MYO16: variants seen among roughly 807,000 people sequenced by gnomAD.
The protein encoded by MYO16 is unconventional myosin-XVI.
A neutral mutation model predicts 205.3 loss-of-function variants in MYO16; 94 were observed. The ratio of observed to expected loss-of-function variants is 0.46; its 90% CI spans 0.39 to 0.54. MYO16 has a LOEUF of 0.54. Ranked by LOEUF, MYO16 falls within the 20% of genes least tolerant of loss-of-function variation. MYO16 has a pLI of 0.00. For synonymous variants in MYO16, 988 were observed against 954.0 expected, an observed-to-expected ratio of 1.04 and a Z score of -0.66; for missense variants, 2,315 against 2,387.5, an observed-to-expected ratio of 0.97 and a Z score of 0.63.
intron 29 of MYO16, among the ~76,000 whole-genome samples, chr13:109,123,540 G>A (rs9587778): frequency 3.0e-4 from 45 of 151,894 alleles, no homozygotes; most frequent in African/African-American, 8.9e-4. Flanking sequence ...TGGTTCATAC[G>A]TCTCCACTTT....
intron 34 of MYO16, among the ~76,000 whole-genome samples, chr13:109,194,093 TGTGTC>T (rs1479593945): frequency 6.6e-6 from 1 of 152,170 alleles, no homozygotes; most frequent in African/African-American, 2.4e-5. Flanking sequence ...TTTTTGTACT[TGTGTC>T]TTGTCTAAGC....
chr13:108,753,695 G>T (rs1471897311), intron 4 of MYO16, among the ~76,000 whole-genome samples: 1 of 152,114 alleles, frequency 6.6e-6, no homozygotes, highest in African/African-American at 2.4e-5. Flanking sequence ...GGCGCTCCTG[G>T]AGGTGCTCTT....
At chr13:108,760,516 G>C in intron 4 of MYO16, among the ~76,000 whole-genome samples, 1 of 150,666 alleles carries the variant, frequency 6.6e-6, no homozygotes, top group East Asian at 1.9e-4. Context: ...TCATTTACTT[G>C]CTGGGGCAGT....
intron 16 of MYO16, among the ~76,000 whole-genome samples, chr13:108,925,423 A>AT (rs1260482812): frequency 2.6e-5 from 4 of 152,202 alleles, no homozygotes; most frequent in Middle Eastern, 3.2e-3. Context: ...ATGGTCTTAA[A>AT]TTATTGACGG....
chr13:108,605,489 A>T (rs1878920827), intron 1 of MYO16, among the ~76,000 whole-genome samples: 1 of 152,182 alleles, frequency 6.6e-6, no homozygotes, highest in South Asian at 2.1e-4. Context: ...TGATTGGATC[A>T]TGAGGGCGGT....
intron 1 of MYO16, among the ~76,000 whole-genome samples, chr13:108,636,367 TTTTGTGTG>T (rs1880246664): frequency 1.0e-4 from 6 of 58,454 alleles, no homozygotes. Flanking sequence ...TTTTTTTTTT[TTTTGTGTG>T]TGTGTGTGTG....
At chr13:108,631,852 C>A (rs576595446) in intron 1 of MYO16, among the ~76,000 whole-genome samples, 2 of 152,032 alleles carry the variant, frequency 1.3e-5, no homozygotes, top group East Asian at 3.9e-4. Context: ...CCAAAGCAGG[C>A]GGATCACCTG....
chr13:108,938,198 T>A, intron 16 of MYO16, among the ~76,000 whole-genome samples: 1 of 151,948 alleles, frequency 6.6e-6, no homozygotes, highest in South Asian at 2.1e-4. Context: ...ACCTATGTAC[T>A]TTTTTTTGGC....
rs139225931 is a variant in MYO16, at chr13:108,893,801, G to C, written c.1660-4215G>C. On this transcript the variant is annotated intron_variant, in intron 14 of 34. Coordinates refer to ENST00000457511, the MANE Select transcript of MYO16 (RefSeq NM_001198950.3). ...ACACAAACTGTACATTCCACTGAGA[G>C]AGCCTGGTTCATTCTAAAGGAGACA... is the stretch of plus-strand genomic sequence containing the variant. 1.5e-3 allele frequency among the ~76,000 whole-genome samples: 226 copies of C among 152,250 alleles called. 1 individual carries two copies. Among genetic ancestry groups the C allele is most frequent in the African/African-American group, 5.3e-3 (220 of 41,560 alleles).
At chr13:108,556,797 T>A in the MYO16 span, among the ~76,000 whole-genome samples, 5 of 152,196 alleles carry the variant, frequency 3.3e-5, no homozygotes, top group East Asian at 1.9e-4. Context: ...CATTTTGAGT[T>A]TTTTTCTTTT....
chr13:108,757,893 A>T (rs1885475046), intron 4 of MYO16, among the ~76,000 whole-genome samples: 1 of 152,212 alleles, frequency 6.6e-6, no homozygotes, highest in African/African-American at 2.4e-5. Context: ...TATGTATGCG[A>T]CACAATGCCT....
chr13:108,587,276 G>A, the MYO16 span, among the ~76,000 whole-genome samples: 1 of 152,120 alleles, frequency 6.6e-6, no homozygotes, highest in Non-Finnish European at 1.5e-5. Context: ...GTGATTTGGT[G>A]GGTTTCAGCT....
chr13:108,602,634 A>G (rs1437565976), intron 1 of MYO16, among the ~76,000 whole-genome samples: 1 of 152,164 alleles, frequency 6.6e-6, no homozygotes, highest in Non-Finnish European at 1.5e-5. Flanking sequence ...TGAGAAATCA[A>G]TCTGTCTTGA....
At chr13:109,054,092 A>T (rs533664038) in intron 25 of MYO16, among the ~76,000 whole-genome samples, 1 of 152,132 alleles carries the variant, frequency 6.6e-6, no homozygotes, top group East Asian at 1.9e-4. Context: ...ATGTAATAGT[A>T]GGTTAGTGGC....
chr13:108,708,252 TCTTG>T (rs145902027), intron 2 of MYO16, among the ~76,000 whole-genome samples: 4,808 of 152,332 alleles, frequency 0.032, 110 homozygotes, highest in East Asian at 0.099. Flanking sequence ...TATTCCTGCT[TCTTG>T]CTTCTCTTCT....
At chr13:108,506,477 T>C in the MYO16 span, among the ~76,000 whole-genome samples, 4 of 152,178 alleles carry the variant, frequency 2.6e-5, no homozygotes, top group African/African-American at 9.6e-5. Context: ...ATTGTTAATA[T>C]ATAAAAAGCA....
At chr13:108,890,045 C>T (rs1880089977) in intron 14 of MYO16, among the ~76,000 whole-genome samples, 1 of 151,910 alleles carries the variant, frequency 6.6e-6, no homozygotes, top group Non-Finnish European at 1.5e-5. Flanking sequence ...GATCCTCCCA[C>T]CTCATCCTTC....
chr13:108,768,886 A>T (rs1750453750), intron 4 of MYO16, among the ~76,000 whole-genome samples: 1 of 152,032 alleles, frequency 6.6e-6, no homozygotes. Context: ...CCTTGAACAG[A>T]TAATTTATGA....
At chr13:108,748,909 A>T (rs970217578) in intron 4 of MYO16, among the ~76,000 whole-genome samples, 1 of 152,132 alleles carries the variant, frequency 6.6e-6, no homozygotes, top group Admixed American at 6.6e-5. Flanking sequence ...GTGACCTCTG[A>T]TTTGGTGATA....
Sources: allele counts gnomAD v4.1 joint callset (sites outside exome capture counted in the v4.1 genomes callset), GRCh38; gene constraint gnomAD v4.1.1; transcripts MANE v1.5; gene names NCBI Gene and HGNC (gene_info 2026-07-23, HGNC 2026-07-21).